NRXN2: variants seen among roughly 807,000 people sequenced by gnomAD.
The protein encoded by NRXN2 is neurexin-2-beta.
Under a neutral mutation model 128.8 loss-of-function variants are expected in NRXN2, and 29 were observed. The observed-to-expected ratio is 0.23, with a 90% CI of 0.17 to 0.31. The LOEUF (loss-of-function observed/expected upper bound fraction) is 0.31, where lower values mean the gene tolerates loss of function less well. Ranked by LOEUF, NRXN2 falls within the 10% of genes least tolerant of loss-of-function variation. The probability of loss-of-function intolerance (pLI) is 1.00; values close to 1 mark genes in which losing one functional copy is unlikely to be tolerated. For missense variants in NRXN2, 1,881 were observed against 2,452.6 expected, an observed-to-expected ratio of 0.77 and a Z score of 4.92; for synonymous variants, 1,098 against 1,075.2, an observed-to-expected ratio of 1.02 and a Z score of -0.41.
intron 11 of NRXN2, among the ~76,000 whole-genome samples, chr11:64,654,054 G>A (rs1277563329): frequency 1.3e-5 from 2 of 152,192 alleles, no homozygotes; most frequent in African/African-American, 2.4e-5. Flanking sequence ...TCGTACAGGG[G>A]ATCAATGGGG....
At chr11:64,620,623 A>G (rs574693817) in intron 21 of NRXN2, among the ~76,000 whole-genome samples, 11 of 150,932 alleles carry the variant, frequency 7.3e-5, no homozygotes, top group African/African-American at 2.7e-4. Flanking sequence ...AACAGCACAC[A>G]TGGTGCTTTT....
At chr11:64,699,079 T>C (rs1218839625) in intron 2 of NRXN2, among the ~76,000 whole-genome samples, 1 of 152,232 alleles carries the variant, frequency 6.6e-6, no homozygotes, top group Non-Finnish European at 1.5e-5. Flanking sequence ...GTGATATCTG[T>C]TCATTCGCTC....
intron 1 of NRXN2, among the ~76,000 whole-genome samples, chr11:64,718,425 A>G (rs1158170795): frequency 2.6e-5 from 4 of 152,164 alleles, no homozygotes; most frequent in African/African-American, 4.8e-5. Context: ...GGCGCCAGGG[A>G]GGAAGAGCTG....
chr11:64,666,797 T>A (rs2049934885), intron 9 of NRXN2, among the ~76,000 whole-genome samples: 1 of 151,280 alleles, frequency 6.6e-6, no homozygotes. Context: ...TCTCCTGACC[T>A]CCTGATCTGC....
At chr11:64,654,485 G>A (rs991576983) in intron 11 of NRXN2, among the ~76,000 whole-genome samples, 1 of 152,232 alleles carries the variant, frequency 6.6e-6, no homozygotes, top group African/African-American at 2.4e-5. Flanking sequence ...CAAAGCAGTT[G>A]GGGACAAGCA....
chr11:64,651,156 G>A lies in NRXN2; in HGVS notation c.2918+99C>T. On this transcript the variant is annotated intron_variant, in intron 14 of 22. Transcript: ENST00000265459. The surrounding 1 kb of genome is among the most constrained non-coding windows in gnomAD (Gnocchi z 5.9). ...CCTGAATCTTGACTTGTGATCTGGG[G>A]GGATTGGACACCTCGGCCAGTAGCC... 6.6e-7 allele frequency: 1 copy of A among 1,514,624 alleles called. No individual in the cohort carries two copies. Among genetic ancestry groups the A allele is most frequent in the Non-Finnish European group, 9.1e-7 (1 of 1,100,160 alleles). 93.8% of individuals were successfully genotyped at this position (1,514,624 alleles called of 1,614,324 possible).
At chr11:64,610,738 C>A (rs1407354907) in intron 22 of NRXN2, among the ~76,000 whole-genome samples, 1 of 152,154 alleles carries the variant, frequency 6.6e-6, no homozygotes, top group Non-Finnish European at 1.5e-5. Flanking sequence ...AAAGCCAGCA[C>A]CCTGGTCTCC....
At position 64,649,427 on chromosome 11, in the gene NRXN2, A is replaced by C. The variant is rs535656661; in HGVS notation, c.3110-520T>G. ...CCTCCGCAACACCTGATCCCCTGCC[A>C]CAGAGCCTAACTCCCTGGAATCCCT... On this transcript the variant is annotated intron_variant, in intron 15 of 22. Coordinates refer to ENST00000265459, the MANE Select transcript of NRXN2 (RefSeq NM_015080.4). Among the ~76,000 whole-genome samples the C allele has an allele frequency of 6.6e-5, 10 of 152,230 alleles. No homozygotes were observed. In the South Asian group the frequency reaches 2.1e-3, roughly 32 times the overall value.
chr11:64,712,980 G>C lies in NRXN2; in HGVS notation c.720C>G (p.Phe240Leu). Residue 240 changes from phenylalanine to leucine, a missense_variant, in exon 2 of 23, where the codon TTC becomes TTG. Around this residue, in one of 7 missense-constraint regions of NRXN2, gnomAD observed 997 missense variants for 1,240.8 expected, o/e 0.80. Coordinates refer to ENST00000265459, the MANE Select transcript of NRXN2 (RefSeq NM_015080.4). ...CTCCCCGGGGCTCACCTTCGCTGCAGAACTTGCCGCCGAAGCCCGTGTGGC... is the reference window on the plus strand; with the variant it reads ...CTCCCCGGGGCTCACCTTCGCTGCACAACTTGCCGCCGAAGCCCGTGTGGC... Reference protein sequence around the residue: ...DCSHTGFGGKFCSEEEHPMEG... With the variant: ...DCSHTGFGGKLCSEEEHPMEG... 3 of 1,501,266 alleles carry C rather than the reference G, an allele frequency of 2.0e-6. No individual in the cohort carries two copies. The highest frequency in any genetic ancestry group is 2.7e-6 in the Non-Finnish European group (3 of 1,130,446). The allele number at this position is 1,501,266 out of a possible 1,614,324, so 93.0% of individuals were successfully genotyped here. A position where few individuals can be genotyped will look rare whatever the true frequency, so the allele number is the denominator to read the frequency against.
chr11:64,642,726 TGGAGGCGGC>T, intron 17 of NRXN2: 1 of 1,438,102 alleles, frequency 7.0e-7, no homozygotes, highest in South Asian at 1.4e-5. Flanking sequence ...GCGGCGGCGG[TGGAGGCGGC>T]GGCAGGGGCC....
chr11:64,688,787 C>T, intron 5 of NRXN2: 1 of 985,340 alleles, frequency 1.0e-6, no homozygotes, highest in Non-Finnish European at 1.2e-6. Flanking sequence ...TTTCTGAGAA[C>T]CATGCATGAG....
At chr11:64,720,549 G>A (rs1043274769) in intron 1 of NRXN2, among the ~76,000 whole-genome samples, 23 of 152,314 alleles carry the variant, frequency 1.5e-4, no homozygotes, top group Admixed American at 5.2e-4. Context: ...GGGAAGGGTC[G>A]TGGTTGTGGC....
intron 22 of NRXN2, among the ~76,000 whole-genome samples, chr11:64,618,208 C>A (rs1350533038): frequency 6.6e-6 from 1 of 152,226 alleles, no homozygotes; most frequent in Non-Finnish European, 1.5e-5. Flanking sequence ...CAGACCCAGG[C>A]CCCTGACTAG....
chr11:64,697,714 C>T lies in NRXN2; in HGVS notation c.748+61G>A, dbSNP rs181684143. On this transcript the variant is annotated intron_variant, in intron 3 of 22. Coordinates refer to ENST00000265459, the MANE Select transcript of NRXN2 (RefSeq NM_015080.4). The stretch of plus-strand genomic sequence containing the variant: ...GTCCTTGGGTAGCCAACGACAGTCC[C>T]TCATGTAGGATCCCCATGGCAACAG... 3.6e-4 allele frequency: 575 copies of T among 1,603,164 alleles called. 5 individuals are homozygous for T. In the African/African-American group the frequency reaches 6.8e-3, roughly 19 times the overall value.
Position 64,630,648 on chromosome 11 carries a change from C to A in NRXN2, c.3586-75G>T. 6.5e-7 allele frequency: 1 copy of A among 1,543,316 alleles called. No homozygotes were observed. The highest frequency in any genetic ancestry group is 1.7e-5 in the Admixed American group (1 of 58,212). ...CCCTTCTAGTGGCTACTCCTGTGAC[C>A]ACCACTAGCCCAGCTCCGCAGCACT... On this transcript the variant is annotated intron_variant, in intron 18 of 22. Coordinates refer to ENST00000265459, the MANE Select transcript of NRXN2 (RefSeq NM_015080.4). This position sits in a 1 kb window ranked among gnomAD's most constrained non-coding sequence, Gnocchi z 4.6.
At chr11:64,719,338 G>A (rs2057375925) in intron 1 of NRXN2, among the ~76,000 whole-genome samples, 1 of 152,238 alleles carries the variant, frequency 6.6e-6, no homozygotes, top group South Asian at 2.1e-4. Context: ...CTGGGATTCA[G>A]ATTTGGTTCT....
chr11:64,700,742 T>C (rs1056696466), intron 2 of NRXN2, among the ~76,000 whole-genome samples: 3 of 152,184 alleles, frequency 2.0e-5, no homozygotes, highest in Non-Finnish European at 4.4e-5. Context: ...TAAATACCGC[T>C]GTGATGAGAA....
intron 5 of NRXN2, among the ~76,000 whole-genome samples, chr11:64,689,892 T>G (rs543745104): frequency 6.6e-6 from 1 of 152,296 alleles, no homozygotes; most frequent in Non-Finnish European, 1.5e-5. Context: ...CTTGAGGACT[T>G]GTTATAGTGG....
At chr11:64,672,843 G>A (rs1217495715) in intron 7 of NRXN2, among the ~76,000 whole-genome samples, 1 of 152,198 alleles carries the variant, frequency 6.6e-6, no homozygotes, top group Non-Finnish European at 1.5e-5. Context: ...ACACCATGAA[G>A]ATGGACTGAA....
Sources: gnomAD v4.1 joint callset for allele counts (sites outside exome capture counted in the v4.1 genomes callset) on GRCh38, gnomAD v4.1.1 for gene constraint, gnomAD v4.1.1 regional missense constraint, Gnocchi (gnomAD v3.1) non-coding constraint, MANE v1.5 for transcripts, NCBI Gene and HGNC (gene_info 2026-07-23, HGNC 2026-07-21) for gene names.